The following UVRAG variants were observed in gnomAD, a reference collection of about 807,000 sequenced individuals.
The protein encoded by UVRAG is UV radiation resistance associated, also known as UV radiation resistance-associated gene protein.
In UVRAG, 19 loss-of-function variants were observed where a neutral mutation model predicts 78.0. The observed-to-expected ratio is 0.24, with a 90% confidence interval of 0.17 to 0.36. The LOEUF is 0.36. Among genes scored for constraint, UVRAG ranks in the 10% least tolerant of loss-of-function variants. The pLI, the probability that UVRAG is intolerant of heterozygous loss-of-function variation, is 1.00. For missense variants in UVRAG, 740 were observed against 853.8 expected (o/e 0.87, Z 1.66); for synonymous variants, 323 against 324.6 (o/e 1.00, Z 0.05).
chr11:75,979,556 C>T (rs1435644585), intron 7 of UVRAG: 1 of 154,034 alleles, frequency 6.5e-6, no homozygotes, highest in Non-Finnish European at 1.4e-5. Flanking sequence ...CTTTGTTTAC[C>T]TGCTCAAGCC....
chr11:75,832,623 A>G lies in UVRAG; in HGVS notation c.117+17099A>G, dbSNP rs1455777337. ...CTGTTTAGGGTTTCAGGGAGGTTCT[A>G]TTAGGTAGCCATGATTGATTATATC... On this transcript the variant is annotated intron_variant, in intron 1 of 14. Transcript: ENST00000356136. 2.0e-5 allele frequency among the ~76,000 whole-genome samples: 3 copies of G among 152,278 alleles called. No individual in the cohort carries two copies. In the East Asian group the frequency reaches 5.8e-4, roughly 29 times the overall value.
intron 14 of UVRAG, among the ~76,000 whole-genome samples, chr11:76,120,887 TA>T (rs113661203): frequency 1.3e-5 from 2 of 152,072 alleles, no homozygotes; most frequent in Admixed American, 1.3e-4. Flanking sequence ...GGGCAAAGGG[TA>T]AAAAAACTCA....
chr11:75,923,028 G>GTTTTTC (rs1027553739), intron 6 of UVRAG, among the ~76,000 whole-genome samples: 5 of 140,350 alleles, frequency 3.6e-5, no homozygotes, highest in Non-Finnish European at 6.1e-5. Flanking sequence ...ATATATGTTC[G>GTTTTTC]TTTTTCTTTT....
intron 3 of UVRAG, among the ~76,000 whole-genome samples, chr11:75,877,739 AC>A (rs1219721047): frequency 8.6e-6 from 1 of 116,160 alleles, no homozygotes; most frequent in Non-Finnish European, 1.8e-5. Flanking sequence ...CGGGGGGCTG[AC>A]CCCCCCACTT....
In UVRAG at chr11:76,140,115, CTCTCTCT is replaced by C. The variant is rs1358518348; in HGVS notation, c.1398-595_1398-589del. ...CCCCTCCCTCCCTCCCTCCCTCCCTCTCTCTCTCTCTCTCTCTCTCTCTCTCTCTCTC... is the reference window on the plus strand; with the variant it reads ...CCCCTCCCTCCCTCCCTCCCTCCCTCCTCTCTCTCTCTCTCTCTCTCTCTC... On this transcript the variant is annotated intron_variant, in intron 14 of 14. Transcript: ENST00000356136. Among the ~76,000 whole-genome samples the C allele has an allele frequency of 9.7e-3, 398 of 40,988 alleles. 6 individuals are homozygous for C. Among genetic ancestry groups the C allele is most frequent in the South Asian group, 0.024 (14 of 594 alleles). 26.9% of individuals were successfully genotyped at this position (40,988 alleles called of 152,430 possible). A position where few individuals can be genotyped will look rare whatever the true frequency, so the allele number is the denominator to read the frequency against.
At chr11:75,921,573 G>A (rs1453058117) in intron 6 of UVRAG, among the ~76,000 whole-genome samples, 7 of 151,804 alleles carry the variant, frequency 4.6e-5, no homozygotes, top group Admixed American at 4.6e-4. Context: ...TATTTTCTGG[G>A]CACTCTTGAG....
At chr11:76,131,843 T>TA (rs1195857670) in intron 14 of UVRAG, among the ~76,000 whole-genome samples, 3 of 152,206 alleles carry the variant, frequency 2.0e-5, no homozygotes, top group African/African-American at 7.2e-5. Context: ...ATCTAGCTGT[T>TA]AAATTTGGCT....
chr11:76,122,511 T>C (rs972580890), intron 14 of UVRAG, among the ~76,000 whole-genome samples: 2 of 152,260 alleles, frequency 1.3e-5, no homozygotes, highest in African/African-American at 4.8e-5. Flanking sequence ...GTACCTAGCA[T>C]ACTGCCTGGC....
At chr11:76,010,907 A>G (rs1357833550) in intron 11 of UVRAG, among the ~76,000 whole-genome samples, 1 of 152,126 alleles carries the variant, frequency 6.6e-6, no homozygotes. Context: ...GGAAGTAGGA[A>G]ATGCCTGAGG....
At chr11:75,825,541 G>T (rs1473581478) in intron 1 of UVRAG, among the ~76,000 whole-genome samples, 1 of 152,186 alleles carries the variant, frequency 6.6e-6, no homozygotes, top group East Asian at 1.9e-4. Flanking sequence ...ACAATTCATA[G>T]TATACCTTCT....
At chr11:76,016,627 TTAG>T (rs775669765) in intron 11 of UVRAG, among the ~76,000 whole-genome samples, 185 bp from the exon 12 acceptor site, 1 of 152,116 alleles carries the variant, frequency 6.6e-6, no homozygotes, top group South Asian at 2.1e-4. Context: ...TAAAATACAG[TTAG>T]TAGATGAAGT....
intron 3 of UVRAG, among the ~76,000 whole-genome samples, chr11:75,862,087 TAATAA>T (rs1170520631): frequency 6.6e-6 from 1 of 152,080 alleles, no homozygotes; most frequent in African/African-American, 2.4e-5. Context: ...AGTATAATAA[TAATAA>T]AATAAAAAAA....
intron 5 of UVRAG, among the ~76,000 whole-genome samples, chr11:75,910,956 G>A (rs1295904517): frequency 2.0e-5 from 3 of 152,094 alleles, no homozygotes; most frequent in Admixed American, 6.5e-5. Context: ...CTCTTTTTGA[G>A]TCACATAATA....
chr11:75,891,618 G>A (rs775194275), intron 5 of UVRAG, among the ~76,000 whole-genome samples: 5 of 152,166 alleles, frequency 3.3e-5, no homozygotes, highest in Non-Finnish European at 7.3e-5. Context: ...TGAGTTTGGA[G>A]CAAGTTCAGA....
chr11:76,005,744 G>A (rs886604693), intron 9 of UVRAG, among the ~76,000 whole-genome samples: 3 of 152,218 alleles, frequency 2.0e-5, no homozygotes, highest in South Asian at 2.1e-4. Context: ...TTAAATAGAG[G>A]TTCCCATAAC....
intron 6 of UVRAG, among the ~76,000 whole-genome samples, chr11:75,947,658 G>C (rs1481455334): frequency 6.6e-6 from 1 of 152,154 alleles, no homozygotes; most frequent in Non-Finnish European, 1.5e-5. Context: ...TTTGTGGGGA[G>C]ATGATGACAA....
chr11:75,937,544 T>A (rs923082746), intron 6 of UVRAG, among the ~76,000 whole-genome samples: 6 of 152,204 alleles, frequency 3.9e-5, no homozygotes, highest in African/African-American at 1.4e-4. Flanking sequence ...ACGGGTTTTT[T>A]ATGTCTTTTA....
At chr11:75,848,442 G>A (rs1012013178) in intron 1 of UVRAG, among the ~76,000 whole-genome samples, 2 of 152,050 alleles carry the variant, frequency 1.3e-5, no homozygotes, top group Non-Finnish European at 2.9e-5. Flanking sequence ...CTGTTTATTC[G>A]CATTAATGGA....
intron 4 of UVRAG, 76 bp from the exon 5 acceptor site, chr11:75,888,753 T>TA: frequency 7.9e-7 from 1 of 1,273,730 alleles, no homozygotes; most frequent in Non-Finnish European, 1.1e-6. Context: ...GATCCTGTTG[T>TA]AACTGTCATT....
Sources: gnomAD v4.1 joint callset for allele counts (sites outside exome capture counted in the v4.1 genomes callset) on GRCh38, gnomAD v4.1.1 for gene constraint, MANE v1.5 for transcripts, NCBI Gene and HGNC (gene_info 2026-07-23, HGNC 2026-07-21) for gene names.